SLC45A2: variants seen among roughly 807,000 people sequenced by gnomAD.
SLC45A2 encodes the protein membrane-associated transporter protein.
SLC45A2 carries 36 observed loss-of-function variants against 45.5 expected under a neutral mutation model. The ratio of observed to expected loss-of-function variants is 0.79; its 90% CI spans 0.61 to 1.04. The LOEUF (loss-of-function observed/expected upper bound fraction) is 1.04. Ranked by LOEUF, SLC45A2 falls within the 50% of genes least tolerant of loss-of-function variation. The pLI is 0.00. For synonymous variants in SLC45A2, 306 were observed against 269.3 expected (o/e 1.14, Z -1.33); for missense variants, 719 against 671.0 (o/e 1.07, Z -0.79).
intron 2 of SLC45A2, among the ~76,000 whole-genome samples, chr5:33,981,266 A>G (rs1199524120): frequency 1.3e-5 from 2 of 152,158 alleles, no homozygotes; most frequent in African/African-American, 4.8e-5. Flanking sequence ...CAACTATTCA[A>G]ATGTTTGCTC....
At chr5:33,982,550 C>T in intron 1 of SLC45A2, 138 bp from the exon 2 acceptor site, 2 of 843,032 alleles carry the variant, frequency 2.4e-6, no homozygotes, top group Middle Eastern at 2.5e-4. Context: ...AATAGCTTTA[C>T]ATTTTTTTTC....
intron 5 of SLC45A2, among the ~76,000 whole-genome samples, chr5:33,948,364 C>T (rs1317027993): frequency 6.6e-6 from 1 of 152,220 alleles, no homozygotes; most frequent in Non-Finnish European, 1.5e-5. Flanking sequence ...ATCTTCTTCC[C>T]TCAGTCGTTT....
intron 2 of SLC45A2, chr5:33,972,141 A>G (rs1752799447): frequency 1.9e-6 from 1 of 519,422 alleles, no homozygotes. Flanking sequence ...TATGCCAGGG[A>G]CCATCCACCA....
chr5:33,979,834 A>G (rs1480901073), intron 2 of SLC45A2, among the ~76,000 whole-genome samples: 1 of 152,122 alleles, frequency 6.6e-6, no homozygotes, highest in East Asian at 1.9e-4. Flanking sequence ...GGCCGAGAGG[A>G]AGGGTCCTTC....
chr5:33,967,918 C>T (rs967333469), intron 2 of SLC45A2, among the ~76,000 whole-genome samples: 1 of 150,384 alleles, frequency 6.6e-6, no homozygotes, highest in African/African-American at 2.5e-5. Flanking sequence ...TTGACATAAT[C>T]TATAACTTAG....
intron 6 of SLC45A2, chr5:33,946,711 T>C: frequency 9.5e-7 from 1 of 1,053,988 alleles, no homozygotes; most frequent in Non-Finnish European, 1.1e-6. Flanking sequence ...CCTCAGCAAA[T>C]AATGCCAAGA....
intron 2 of SLC45A2, among the ~76,000 whole-genome samples, chr5:33,980,378 T>A (rs1753042659): frequency 6.6e-6 from 1 of 152,182 alleles, no homozygotes. Context: ...ACTGAATTCC[T>A]AAAATTTGAC....
At chr5:33,972,623 G>A (rs1436806509) in intron 2 of SLC45A2, 1 of 154,680 alleles carries the variant, frequency 6.5e-6, no homozygotes, top group Non-Finnish European at 1.4e-5. Flanking sequence ...CTATAAACCT[G>A]TGTAATTTAC....
intron 6 of SLC45A2, 151 bp downstream of exon 6, chr5:33,947,012 C>A (rs1408359650): frequency 6.3e-7 from 1 of 1,589,638 alleles, no homozygotes; most frequent in Admixed American, 1.7e-5. Context: ...ATGCCTGTAC[C>A]AGATCATGGT....
At chr5:33,955,338 C>T (rs114573901) in intron 3 of SLC45A2, among the ~76,000 whole-genome samples, 311 of 152,356 alleles carry the variant, frequency 2.0e-3, no homozygotes, top group African/African-American at 7.3e-3. Context: ...GATGAGAATA[C>T]AGCTCTGCTA....
In SLC45A2 at chr5:33,984,663, C is replaced by A. The variant is rs1458032907; in HGVS notation, c.-80G>T. On this transcript the variant is annotated 5_prime_UTR_variant, in exon 1 of 7. Coordinates refer to ENST00000296589, the MANE Select transcript of SLC45A2 (RefSeq NM_016180.5). Reference sequence around the variant, plus strand: ...GGTCTGTGTTTCAAACTGGATTTGACGTGGAGCCTGGCCGAGCAACCAACA... The same window carrying A: ...GGTCTGTGTTTCAAACTGGATTTGAAGTGGAGCCTGGCCGAGCAACCAACA... 8 of 1,587,514 alleles carry A rather than the reference C, an allele frequency of 5.0e-6. No homozygotes were observed. The highest frequency in any genetic ancestry group is 1.3e-5 in the African/African-American group (1 of 74,596).
chr5:33,984,508 C>A lies in SLC45A2; in HGVS notation c.76G>T (p.Glu26Ter). Residue 26 changes from glutamate to a stop codon, truncating the protein, a stop_gained, in exon 1 of 7, where the codon GAG becomes TAG. Transcript: ENST00000296589. LOFTEE classifies it high-confidence loss of function. ...LADDGPFDSV[E>*]PPKRPTSRLI... ...CTGCTGGTGGGTCTTTTAGGCGGCT[C>A]CACAGAGTCAAAGGGGCCATCATCA... 1 of 1,613,128 alleles carries A rather than the reference C, an allele frequency of 6.2e-7. No individual in the cohort carries two copies. Among genetic ancestry groups the A allele is most frequent in the Non-Finnish European group, 8.5e-7 (1 of 1,180,018 alleles).
chr5:33,953,095 G>A (rs1166791043), intron 4 of SLC45A2, among the ~76,000 whole-genome samples: 2 of 140,794 alleles, frequency 1.4e-5, no homozygotes, highest in Non-Finnish European at 3.1e-5. Flanking sequence ...GTCTATCATT[G>A]TTGGACATTT....
At chr5:33,969,063 C>CTGTGTGTG (rs1400585496) in intron 2 of SLC45A2, among the ~76,000 whole-genome samples, 37 of 62,810 alleles carry the variant, frequency 5.9e-4, no homozygotes, top group African/African-American at 1.0e-3. Context: ...CTCTCTCTCT[C>CTGTGTGTG]TCTGTGTGTG....
At chr5:33,964,089 C>T (rs1470975846) in intron 2 of SLC45A2, 73 bp from the exon 3 acceptor site, 1 of 1,503,284 alleles carries the variant, frequency 6.7e-7, no homozygotes, top group Non-Finnish European at 9.1e-7. Flanking sequence ...TAGACACTCC[C>T]CTTCAGTGGG....
At chr5:33,975,145 A>AAGAC (rs933188051) in intron 2 of SLC45A2, among the ~76,000 whole-genome samples, 9 of 152,216 alleles carry the variant, frequency 5.9e-5, no homozygotes, top group African/African-American at 2.2e-4. Context: ...CATATGAGCA[A>AAGAC]AGACATGCAC....
At chr5:33,951,380 GA>G in intron 5 of SLC45A2, 173 bp downstream of exon 5, 1 of 1,506,632 alleles carries the variant, frequency 6.6e-7, no homozygotes, top group Non-Finnish European at 8.8e-7. Context: ...AATTCATGAT[GA>G]AAAAAGGATG....
intron 2 of SLC45A2, among the ~76,000 whole-genome samples, chr5:33,967,267 T>C (rs543565832): frequency 6.6e-6 from 1 of 152,358 alleles, no homozygotes; most frequent in South Asian, 2.1e-4. Context: ...TTGTGGCATG[T>C]AGCAAGTATC....
intron 6 of SLC45A2, chr5:33,946,431 T>C (rs1038706171): frequency 1.5e-5 from 15 of 985,498 alleles, no homozygotes; most frequent in Non-Finnish European, 6.0e-6. Flanking sequence ...TTTTATATCA[T>C]TGCTCCAGTT....
Sources: allele counts gnomAD v4.1 joint callset (sites outside exome capture counted in the v4.1 genomes callset), GRCh38; gene constraint gnomAD v4.1.1; transcripts MANE v1.5; gene names NCBI Gene and HGNC (gene_info 2026-07-23, HGNC 2026-07-21).